Variants in SNTG1 observed in about 807,000 individuals in gnomAD.
SNTG1 encodes gamma-1-syntrophin.
A neutral mutation model predicts 74.7 loss-of-function variants in SNTG1; 39 were observed. The observed-to-expected ratio is 0.52, with a 90% CI of 0.40 to 0.68. The LOEUF (loss-of-function observed/expected upper bound fraction) is 0.68, where lower values mean the gene tolerates loss of function less well. SNTG1 is among the 30% of genes least tolerant of loss of function. SNTG1 has a pLI of 0.00. For missense variants in SNTG1, 685 were observed against 609.5 expected, an observed-to-expected ratio of 1.12 and a Z score of -1.30; for synonymous variants, 254 against 217.1, an observed-to-expected ratio of 1.17 and a Z score of -1.49.
chr8:49,926,675 G>A (rs1807058320), intron 1 of SNTG1, among the ~76,000 whole-genome samples: 1 of 151,952 alleles, frequency 6.6e-6, no homozygotes, highest in African/African-American at 2.4e-5. Context: ...GATGACCTTT[G>A]GTATGGCAAT....
intron 1 of SNTG1, among the ~76,000 whole-genome samples, chr8:50,006,293 G>A (rs145223271): frequency 6.6e-6 from 1 of 152,124 alleles, no homozygotes; most frequent in East Asian, 1.9e-4. Context: ...CTATTCCTTT[G>A]TTAAAATTTT....
Position 50,593,105 on chromosome 8 carries a change from GA to G in SNTG1, c.849+2191del, listed in dbSNP as rs1253098039. Among the ~76,000 whole-genome samples, 644 of 152,180 alleles carry G rather than the reference GA, an allele frequency of 4.2e-3. 9 individuals carry two copies. Among genetic ancestry groups the G allele is most frequent in the African/African-American group, 0.014 (582 of 41,528 alleles). ...TCCTGATGTTCTAGGTATCAAAACA[GA>G]AATTAAAAGTCACCCAAGCTACAAT... On this transcript the variant is annotated intron_variant, in intron 13 of 18. Coordinates refer to ENST00000642720, the MANE Select transcript of SNTG1 (RefSeq NM_018967.5).
intron 2 of SNTG1, among the ~76,000 whole-genome samples, chr8:50,255,241 G>A (rs1409628935): frequency 1.3e-5 from 2 of 152,078 alleles, no homozygotes; most frequent in African/African-American, 2.4e-5. Context: ...TGAAACATAA[G>A]CATTTGTCAC....
chr8:50,376,754 T>TAGAGAG (rs770555169), intron 2 of SNTG1, among the ~76,000 whole-genome samples: 17 of 100,308 alleles, frequency 1.7e-4, no homozygotes, highest in African/African-American at 4.9e-4. Flanking sequence ...TATATATATA[T>TAGAGAG]ATAGAGAGAG....
chr8:50,101,329 G>A (rs563043522), intron 1 of SNTG1, among the ~76,000 whole-genome samples: 55 of 152,168 alleles, frequency 3.6e-4, no homozygotes, highest in Non-Finnish European at 7.6e-4. Context: ...TGGTAGTCCT[G>A]TTTTAAGTTA....
intron 9 of SNTG1, among the ~76,000 whole-genome samples, chr8:50,510,947 C>T (rs1454692956): frequency 6.6e-6 from 1 of 152,032 alleles, no homozygotes; most frequent in Non-Finnish European, 1.5e-5. Flanking sequence ...TTATTTCTTG[C>T]TTTCTGCTAA....
At chr8:50,042,600 T>C (rs759189650) in intron 1 of SNTG1, among the ~76,000 whole-genome samples, 2 of 152,084 alleles carry the variant, frequency 1.3e-5, no homozygotes, top group African/African-American at 2.4e-5. Flanking sequence ...GTGGAACCCA[T>C]TGATGAAGTG....
At position 50,380,844 on chromosome 8, in the gene SNTG1, A is replaced by C. The variant is rs571948784; in HGVS notation, c.-27-13368A>C. Among the ~76,000 whole-genome samples, 97 of 152,340 alleles carry C rather than the reference A, an allele frequency of 6.4e-4. 1 individual carries two copies. The South Asian group carries it at 8.3e-3, about 13-fold the overall frequency. ...TAATTCTTTTTAATTTCTGAGTGTT[A>C]GATTTAATCATAATAGGCAAGATCT... On this transcript the variant is annotated intron_variant, in intron 2 of 18. Transcript: ENST00000642720.
chr8:50,050,763 A>G (rs1035786283), intron 1 of SNTG1, among the ~76,000 whole-genome samples: 1 of 152,044 alleles, frequency 6.6e-6, no homozygotes, highest in Non-Finnish European at 1.5e-5. Context: ...AACATCCCAT[A>G]TCAATGTAAA....
At chr8:50,603,388 A>G (rs2094789195) in intron 13 of SNTG1, among the ~76,000 whole-genome samples, 1 of 152,180 alleles carries the variant, frequency 6.6e-6, no homozygotes, top group Non-Finnish European at 1.5e-5. Context: ...TGTGAAATTT[A>G]TTTGATAGAA....
rs904949931 is a variant in SNTG1 at position 50,125,753 on chromosome 8, T to G, written c.-102-46808T>G. Among the ~76,000 whole-genome samples the G allele has an allele frequency of 1.6e-4, 24 of 151,844 alleles. 3 individuals are homozygous for G. The highest frequency in any genetic ancestry group is 2.8e-4 in the Non-Finnish European group (19 of 67,934). ...ACTTGTTTCCTAAGTGCTTAGTATA[T>G]GGTGTGTTACGTTGCTGTATTAAGA... On this transcript the variant is annotated intron_variant, in intron 1 of 18. Coordinates refer to ENST00000642720, the MANE Select transcript of SNTG1 (RefSeq NM_018967.5).
chr8:50,724,519 G>C (rs183844646), intron 17 of SNTG1, among the ~76,000 whole-genome samples: 2 of 152,074 alleles, frequency 1.3e-5, no homozygotes, highest in Non-Finnish European at 1.5e-5. Context: ...TTAAAAGACT[G>C]TTATCTCTAA....
intron 13 of SNTG1, among the ~76,000 whole-genome samples, chr8:50,653,741 A>G (rs1386025673): frequency 6.6e-6 from 1 of 152,174 alleles, no homozygotes; most frequent in African/African-American, 2.4e-5. Flanking sequence ...AGTGGCCCAG[A>G]GTATTTTGTA....
chr8:49,956,840 G>A (rs1303308145), intron 1 of SNTG1, among the ~76,000 whole-genome samples: 1 of 151,940 alleles, frequency 6.6e-6, no homozygotes, highest in Non-Finnish European at 1.5e-5. Flanking sequence ...GATAAGCATG[G>A]GTAATTCAGT....
chr8:50,002,408 A>G (rs560114466), intron 1 of SNTG1, among the ~76,000 whole-genome samples: 7 of 152,224 alleles, frequency 4.6e-5, no homozygotes, highest in Non-Finnish European at 1.5e-5. Flanking sequence ...CAAAAACTCA[A>G]TATTGCCTGT....
intron 1 of SNTG1, among the ~76,000 whole-genome samples, chr8:49,972,670 G>GT (rs1811805167): frequency 6.7e-6 from 1 of 150,262 alleles, no homozygotes; most frequent in South Asian, 2.1e-4. Context: ...AAATTTACAA[G>GT]AAAAAAAAAC....
chr8:50,097,137 T>C (rs545001043), intron 1 of SNTG1, among the ~76,000 whole-genome samples: 1 of 151,850 alleles, frequency 6.6e-6, no homozygotes, highest in Admixed American at 6.6e-5. Context: ...ACCCGGCTAA[T>C]TTTTTTGTGT....
At chr8:50,504,030 T>A (rs1225829192) in intron 9 of SNTG1, among the ~76,000 whole-genome samples, 1 of 152,132 alleles carries the variant, frequency 6.6e-6, no homozygotes. Flanking sequence ...TGTGTGGTTC[T>A]CCTCTATTTG....
intron 13 of SNTG1, among the ~76,000 whole-genome samples, chr8:50,628,241 C>T (rs1444222590): frequency 6.6e-6 from 1 of 151,660 alleles, no homozygotes; most frequent in African/African-American, 2.4e-5. Flanking sequence ...TTTGTATTGA[C>T]CTGGCTGACT....
Sources: gnomAD v4.1 joint callset for allele counts (sites outside exome capture counted in the v4.1 genomes callset) on GRCh38, gnomAD v4.1.1 for gene constraint, MANE v1.5 for transcripts, NCBI Gene and HGNC (gene_info 2026-07-23, HGNC 2026-07-21) for gene names.